UNC5D: variants seen among roughly 807,000 people sequenced by gnomAD.
UNC5D encodes netrin receptor UNC5D.
In UNC5D, 39 loss-of-function variants were observed where a neutral mutation model predicts 105.4. The observed-to-expected ratio is 0.37, with a 90% CI of 0.29 to 0.48. The LOEUF is 0.48. UNC5D is among the 20% of genes least tolerant of loss of function. The probability of loss-of-function intolerance (pLI) is 0.98; values close to 1 mark genes in which losing one functional copy is unlikely to be tolerated. For synonymous variants in UNC5D, 452 were observed against 450.4 expected, an observed-to-expected ratio of 1.00 and a Z score of -0.04; for missense variants, 991 against 1,202.4, an observed-to-expected ratio of 0.82 and a Z score of 2.60.
chr8:35,317,125 C>G (rs1487003507), intron 1 of UNC5D, among the ~76,000 whole-genome samples: 1 of 152,148 alleles, frequency 6.6e-6, no homozygotes, highest in Non-Finnish European at 1.5e-5. Context: ...GGTCCCATAG[C>G]TAATTAGCAG....
chr8:35,428,093 A>G (rs1312862899), intron 1 of UNC5D, among the ~76,000 whole-genome samples: 26 of 152,162 alleles, frequency 1.7e-4, no homozygotes, highest in Admixed American at 1.7e-3. Context: ...AGTTAAGAGC[A>G]AGGTTAAGAA....
chr8:35,774,555 A>C (rs1327604149), intron 16 of UNC5D, 78 bp downstream of exon 16: 3 of 1,526,164 alleles, frequency 2.0e-6, no homozygotes, highest in South Asian at 1.2e-5. Flanking sequence ...GAAACCATGT[A>C]GTTTCTGAGC....
chr8:35,502,854 C>T (rs776547311), intron 1 of UNC5D, among the ~76,000 whole-genome samples: 4 of 152,146 alleles, frequency 2.6e-5, no homozygotes, highest in African/African-American at 7.2e-5. Context: ...CGTGAGCCAC[C>T]GCGCCCAGCC....
chr8:35,595,797 C>G (rs913865670), intron 4 of UNC5D, 140 bp downstream of exon 4: 19 of 676,270 alleles, frequency 2.8e-5, no homozygotes, highest in Non-Finnish European at 4.0e-5. Context: ...TTGCTAAACA[C>G]GGTGAAGAAA....
chr8:35,449,358 AT>A, intron 1 of UNC5D, among the ~76,000 whole-genome samples: 1 of 152,024 alleles, frequency 6.6e-6, no homozygotes, highest in South Asian at 2.1e-4. Context: ...CCTCTCTGTT[AT>A]TGAGCTTCTG....
intron 1 of UNC5D, among the ~76,000 whole-genome samples, chr8:35,271,280 T>C (rs1276641763): frequency 8.0e-6 from 1 of 125,334 alleles, no homozygotes; most frequent in East Asian, 2.2e-4. Context: ...TACATATATG[T>C]GTGTATGTAT....
At chr8:35,395,915 T>C (rs1336679041) in intron 1 of UNC5D, among the ~76,000 whole-genome samples, 2 of 152,154 alleles carry the variant, frequency 1.3e-5, no homozygotes, top group Admixed American at 6.5e-5. Flanking sequence ...ACACAGGAAA[T>C]TTGACCTGAC....
At position 35,726,737 on chromosome 8, in the gene UNC5D, G is replaced by T. The variant is rs890589266; in HGVS notation, c.1681+208G>T. ...TGCAGTCTTCATCTCAGCATGGATTGAATGCTCCCTTTGATTCCCTGTTAG... is the reference window on the plus strand; with the variant it reads ...TGCAGTCTTCATCTCAGCATGGATTTAATGCTCCCTTTGATTCCCTGTTAG... On this transcript the variant is annotated intron_variant, in intron 10 of 16. Transcript: ENST00000404895. The T allele has an allele frequency of 1.9e-5, 14 of 722,946 alleles. No homozygotes were observed. The African/African-American group carries it at 2.1e-4, about 11-fold the overall frequency. 44.8% of individuals were successfully genotyped at this position (722,946 alleles called of 1,614,324 possible). A position where few individuals can be genotyped will look rare whatever the true frequency, so the allele number is the denominator to read the frequency against.
chr8:35,311,053 G>A (rs1808840163), intron 1 of UNC5D, among the ~76,000 whole-genome samples: 2 of 152,132 alleles, frequency 1.3e-5, no homozygotes, highest in African/African-American at 4.8e-5. Flanking sequence ...AGTCATCATA[G>A]GACTCAGTGC....
At chr8:35,631,498 G>A (rs1822042539) in intron 4 of UNC5D, among the ~76,000 whole-genome samples, 1 of 152,174 alleles carries the variant, frequency 6.6e-6, no homozygotes, top group Non-Finnish European at 1.5e-5. Flanking sequence ...TTGTTAGAAA[G>A]CTGTTGACCC....
At chr8:35,553,536 C>T (rs1242216924) in intron 2 of UNC5D, among the ~76,000 whole-genome samples, 1 of 152,110 alleles carries the variant, frequency 6.6e-6, no homozygotes. Context: ...ACTTTTTCTT[C>T]CAAGTCATTT....
chr8:35,287,393 T>C (rs1806679138), intron 1 of UNC5D, among the ~76,000 whole-genome samples: 1 of 152,046 alleles, frequency 6.6e-6, no homozygotes, highest in African/African-American at 2.4e-5. Flanking sequence ...AAACAGTTTA[T>C]AAACAAAATG....
chr8:35,538,631 C>T (rs1307543809), intron 1 of UNC5D, among the ~76,000 whole-genome samples: 1 of 151,352 alleles, frequency 6.6e-6, no homozygotes, highest in African/African-American at 2.4e-5. Flanking sequence ...GTGATTCAGA[C>T]AAGCATAGGA....
intron 14 of UNC5D, among the ~76,000 whole-genome samples, chr8:35,763,509 G>T (rs1037414444): frequency 7.0e-6 from 1 of 142,828 alleles, no homozygotes; most frequent in East Asian, 2.2e-4. Context: ...TGCAGAAAAT[G>T]TACATTTGCT....
intron 2 of UNC5D, among the ~76,000 whole-genome samples, chr8:35,556,632 A>G (rs1444560002): frequency 6.6e-6 from 1 of 152,186 alleles, no homozygotes; most frequent in Non-Finnish European, 1.5e-5. Flanking sequence ...ATGTGGGGAG[A>G]TGTGCTCTGC....
chr8:35,302,754 T>C (rs1808056540), intron 1 of UNC5D, among the ~76,000 whole-genome samples: 1 of 152,192 alleles, frequency 6.6e-6, no homozygotes, highest in South Asian at 2.1e-4. Flanking sequence ...ATTTGGACTT[T>C]AAGGTATTAA....
chr8:35,337,940 G>T (rs918845224), intron 1 of UNC5D, among the ~76,000 whole-genome samples: 4 of 152,178 alleles, frequency 2.6e-5, no homozygotes, highest in African/African-American at 9.7e-5. Flanking sequence ...AATTTAATTT[G>T]CCTTTTGCTT....
chr8:35,337,924 A>G (rs1303150678), intron 1 of UNC5D, among the ~76,000 whole-genome samples: 1 of 152,258 alleles, frequency 6.6e-6, no homozygotes, highest in Admixed American at 6.5e-5. Flanking sequence ...ATTGGCATAC[A>G]GTAAAAATTT....
At chr8:35,630,550 A>G (rs1205655232) in intron 4 of UNC5D, among the ~76,000 whole-genome samples, 1 of 152,174 alleles carries the variant, frequency 6.6e-6, no homozygotes, top group Non-Finnish European at 1.5e-5. Flanking sequence ...ATATTGTGAC[A>G]GTGAAGTGTG....
Sources: allele counts gnomAD v4.1 joint callset (sites outside exome capture counted in the v4.1 genomes callset), GRCh38; gene constraint gnomAD v4.1.1; transcripts MANE v1.5; gene names NCBI Gene and HGNC (gene_info 2026-07-23, HGNC 2026-07-21).